The following IFTAP variants were observed in gnomAD, a reference collection of about 807,000 sequenced individuals.
IFTAP encodes intraflagellar transport-associated protein.
Under a neutral mutation model 19.4 loss-of-function variants are expected in IFTAP, and 19 were observed. The observed-to-expected ratio is 0.98, with a 90% CI of 0.68 to 1.44. The LOEUF (loss-of-function observed/expected upper bound fraction) is 1.44, where lower values mean the gene tolerates loss of function less well. IFTAP is among the 40% of genes most tolerant of loss of function. The pLI is 0.00. For missense variants in IFTAP, 240 were observed against 253.6 expected (o/e 0.95, Z 0.36); for synonymous variants, 85 against 83.5 (o/e 1.02, Z -0.10).
chr11:36,594,948 A>C (rs1851148277), intron 1 of IFTAP: 1 of 152,288 alleles, frequency 6.6e-6, no homozygotes, highest in African/African-American at 2.4e-5. Flanking sequence ...GGGGGCACCG[A>C]GGTTACAAAA....
chr11:36,595,889 C>T (rs1851206388), intron 1 of IFTAP, among the ~76,000 whole-genome samples: 1 of 152,200 alleles, frequency 6.6e-6, no homozygotes, highest in African/African-American at 2.4e-5. Context: ...TGGGTATAGA[C>T]AGATAAACAT....
intron 1 of IFTAP, among the ~76,000 whole-genome samples, chr11:36,597,274 G>A (rs1288794882): frequency 6.6e-6 from 1 of 152,092 alleles, no homozygotes; most frequent in Non-Finnish European, 1.5e-5. Context: ...GTTTCAATAT[G>A]ACTGTATTAG....
At chr11:36,646,551 T>C (rs924031354) in intron 4 of IFTAP, among the ~76,000 whole-genome samples, 1 of 152,216 alleles carries the variant, frequency 6.6e-6, no homozygotes, top group Non-Finnish European at 1.5e-5. Context: ...TAATGTGTTA[T>C]AGTAGTGACA....
chr11:36,633,522 C>T, intron 3 of IFTAP, 84 bp downstream of exon 3: 1 of 1,093,962 alleles, frequency 9.1e-7, no homozygotes, highest in East Asian at 2.8e-5. Flanking sequence ...CCCTACTAAA[C>T]ACTAGACAGT....
intron 2 of IFTAP, 55 bp downstream of exon 2, chr11:36,610,294 AG>A: frequency 6.7e-7 from 1 of 1,483,734 alleles, no homozygotes; most frequent in South Asian, 1.2e-5. Context: ...TTTTATTATA[AG>A]TGTATGTTTT....
At chr11:36,603,111 A>G (rs1851568557) in intron 1 of IFTAP, among the ~76,000 whole-genome samples, 2 of 152,214 alleles carry the variant, frequency 1.3e-5, no homozygotes, top group South Asian at 2.1e-4. Context: ...GGATTGACTT[A>G]AACAGCTAGG....
intron 5 of IFTAP, 95 bp from the exon 6 acceptor site, chr11:36,658,924 G>C: frequency 2.2e-6 from 2 of 906,478 alleles, no homozygotes; most frequent in Non-Finnish European, 3.1e-6. Flanking sequence ...TCTGAAAAAA[G>C]GTTTAATTAA....
At chr11:36,622,125 T>C (rs1231275180) in intron 2 of IFTAP, among the ~76,000 whole-genome samples, 1 of 149,232 alleles carries the variant, frequency 6.7e-6, no homozygotes, top group African/African-American at 2.5e-5. Flanking sequence ...TGGAGTTTCC[T>C]GATAAAATGA....
At chr11:36,598,542 G>A (rs12283331) in intron 1 of IFTAP, among the ~76,000 whole-genome samples, 51,354 of 152,084 alleles carry the variant, frequency 0.34, 10,798 homozygotes, top group East Asian at 0.63. Flanking sequence ...TATTTGTCCT[G>A]AAGCAGAGAC....
chr11:36,648,027 C>T lies in IFTAP; in HGVS notation c.370C>T (p.Leu124Phe), dbSNP rs1263456234. 4.3e-6 allele frequency: 7 copies of T among 1,612,928 alleles called. No individual in the cohort carries two copies. The highest frequency in any genetic ancestry group is 5.9e-6 in the Non-Finnish European group (7 of 1,179,350). Residue 124 changes from leucine (L) to phenylalanine (F), a missense_variant, in exon 5 of 6, where the codon CTT (leucine) becomes TTT (phenylalanine). Leu to Phe is a conservative substitution (Grantham distance 22). Transcript: ENST00000334307. The stretch of plus-strand genomic sequence containing the variant: ...TTTGTATCCAACAGATTTGCTGCTG[C>T]TTCCAGGAGAAGTGGAGCAGGATGT... ...KPQMSEDLLL[L>F]PGEVEQDVST...
intron 5 of IFTAP, among the ~76,000 whole-genome samples, chr11:36,651,137 T>C (rs1853706770): frequency 1.3e-5 from 2 of 152,252 alleles, no homozygotes; most frequent in African/African-American, 4.8e-5. Flanking sequence ...CCACACTGTC[T>C]TCCACAATGG....
In IFTAP at chr11:36,642,742, A is replaced by G. The variant is rs182133712; in HGVS notation, c.359-5274A>G. On this transcript the variant is annotated intron_variant, in intron 4 of 5. Transcript: ENST00000334307. The stretch of plus-strand genomic sequence containing the variant: ...AAACGTAATCCAGCATATGAACAGA[A>G]CCAAAGACAAAAACCACATGGTTAT... Among the ~76,000 whole-genome samples the G allele has an allele frequency of 2.5e-4, 38 of 152,308 alleles. 1 individual carries two copies. The East Asian group carries it at 6.4e-3, about 26-fold the overall frequency.
intron 2 of IFTAP, among the ~76,000 whole-genome samples, chr11:36,622,088 TTA>T (rs1491432979): frequency 0.024 from 3,462 of 142,316 alleles, 100 homozygotes; most frequent in Admixed American, 0.089. Context: ...GTTCTATTTT[TTA>T]TTTTTTTTTT....
intron 4 of IFTAP, among the ~76,000 whole-genome samples, chr11:36,646,349 C>T (rs1565029546): frequency 1.3e-5 from 2 of 152,294 alleles, no homozygotes; most frequent in East Asian, 1.9e-4. Flanking sequence ...TTTCCTTGTT[C>T]GTGGGTCCCT....
At chr11:36,649,165 A>G (rs1853606257) in intron 5 of IFTAP, among the ~76,000 whole-genome samples, 1 of 152,112 alleles carries the variant, frequency 6.6e-6, no homozygotes. Context: ...TCTTGTTACT[A>G]AAAGATATTC....
intron 2 of IFTAP, among the ~76,000 whole-genome samples, chr11:36,632,852 G>T (rs993344651): frequency 6.6e-6 from 1 of 150,984 alleles, no homozygotes; most frequent in Non-Finnish European, 1.5e-5. Flanking sequence ...CTTTGTTGTG[G>T]CCTTTCTGGC....
intron 1 of IFTAP, among the ~76,000 whole-genome samples, chr11:36,609,658 C>T (rs1201427686): frequency 6.6e-6 from 1 of 152,040 alleles, no homozygotes; most frequent in African/African-American, 2.4e-5. Context: ...GTTAAGATAA[C>T]TAACAAAAAA....
intron 1 of IFTAP, among the ~76,000 whole-genome samples, chr11:36,599,763 A>T (rs1445637972): frequency 6.6e-6 from 1 of 152,180 alleles, no homozygotes; most frequent in Non-Finnish European, 1.5e-5. Context: ...TGATTTTTTT[A>T]ATCTGCAAAA....
At chr11:36,622,190 A>G (rs1852321457) in intron 2 of IFTAP, among the ~76,000 whole-genome samples, 1 of 151,518 alleles carries the variant, frequency 6.6e-6, no homozygotes, top group Admixed American at 6.6e-5. Flanking sequence ...CTCTAATCCA[A>G]CATGCCAATG....
Sources: gnomAD v4.1 joint callset for allele counts (sites outside exome capture counted in the v4.1 genomes callset) on GRCh38, gnomAD v4.1.1 for gene constraint, MANE v1.5 for transcripts, NCBI Gene and HGNC (gene_info 2026-07-23, HGNC 2026-07-21) for gene names.